CHST11: variants seen among roughly 807,000 people sequenced by gnomAD.
CHST11 encodes the protein carbohydrate sulfotransferase 11.
A neutral mutation model predicts 30.4 loss-of-function variants in CHST11; 9 were observed. The observed-to-expected ratio is 0.30, with a 90% CI of 0.18 to 0.52. The LOEUF is 0.52. Ranked by LOEUF, CHST11 falls within the 20% of genes least tolerant of loss-of-function variation. The pLI is 0.97. For synonymous variants in CHST11, 152 were observed against 187.8 expected (o/e 0.81, Z 1.56); for missense variants, 348 against 460.6 (o/e 0.76, Z 2.24).
At chr12:104,696,139 A>G (rs1195506553) in intron 2 of CHST11, among the ~76,000 whole-genome samples, 1 of 152,158 alleles carries the variant, frequency 6.6e-6, no homozygotes, top group African/African-American at 2.4e-5. Context: ...TGCAAAGAGC[A>G]CAGAAATGGT....
chr12:104,703,119 G>T (rs1435127793), intron 2 of CHST11, among the ~76,000 whole-genome samples: 1 of 152,214 alleles, frequency 6.6e-6, no homozygotes, highest in Non-Finnish European at 1.5e-5. Context: ...AACTCACCGG[G>T]GCGGAGACTT....
chr12:104,582,432 A>G (rs1310675943), intron 1 of CHST11, among the ~76,000 whole-genome samples: 1 of 152,074 alleles, frequency 6.6e-6, no homozygotes, highest in Non-Finnish European at 1.5e-5. Context: ...CAGCATTTTG[A>G]CCAGATGTGT....
chr12:104,669,763 G>A (rs371230845), intron 2 of CHST11, among the ~76,000 whole-genome samples: 3 of 152,200 alleles, frequency 2.0e-5, no homozygotes, highest in East Asian at 3.8e-4. Flanking sequence ...TGTTAAATGG[G>A]TATGATGACA....
intron 1 of CHST11, among the ~76,000 whole-genome samples, chr12:104,554,631 G>T (rs567191532): frequency 6.6e-6 from 1 of 152,210 alleles, no homozygotes; most frequent in Non-Finnish European, 1.5e-5. Flanking sequence ...TGCTGGGGAG[G>T]ATGGAGGAGG....
intron 1 of CHST11, among the ~76,000 whole-genome samples, chr12:104,475,688 A>ATATATATAT (rs1555226434): frequency 2.5e-5 from 2 of 78,462 alleles, no homozygotes; most frequent in Non-Finnish European, 5.8e-5. Flanking sequence ...ATATATATAT[A>ATATATATAT]TATTTCTGAT....
chr12:104,527,229 A>G (rs1701711239), intron 1 of CHST11, among the ~76,000 whole-genome samples: 4 of 152,202 alleles, frequency 2.6e-5, no homozygotes, highest in Admixed American at 1.3e-4. Context: ...CTGACCTGCC[A>G]ACACCTTATC....
intron 2 of CHST11, among the ~76,000 whole-genome samples, chr12:104,664,083 A>G (rs1156242388): frequency 1.3e-5 from 2 of 152,228 alleles, no homozygotes; most frequent in East Asian, 3.9e-4. Flanking sequence ...GCTATCTAGC[A>G]GATAATTCCT....
At chr12:104,480,008 G>A (rs992020185) in intron 1 of CHST11, among the ~76,000 whole-genome samples, 6 of 152,156 alleles carry the variant, frequency 3.9e-5, no homozygotes, top group Admixed American at 1.3e-4. Context: ...TCTTCATTCC[G>A]TGTGGTCATG....
intron 2 of CHST11, among the ~76,000 whole-genome samples, chr12:104,650,487 T>C (rs964631818): frequency 5.9e-5 from 9 of 152,186 alleles, no homozygotes; most frequent in Non-Finnish European, 1.0e-4. Context: ...GCCAAGTTAA[T>C]CTCACTGATT....
At chr12:104,653,726 A>C (rs1321718307) in intron 2 of CHST11, among the ~76,000 whole-genome samples, 1 of 152,158 alleles carries the variant, frequency 6.6e-6, no homozygotes, top group Non-Finnish European at 1.5e-5. Flanking sequence ...TATATGCAGA[A>C]ACCTTCTCCA....
At position 104,757,658 on chromosome 12, in the gene CHST11, C is replaced by G; in HGVS notation, c.914C>G (p.Ala305Gly). 1 of 1,614,150 alleles carries G rather than the reference C, an allele frequency of 6.2e-7. No homozygotes were observed. The highest frequency in any genetic ancestry group is 8.5e-7 in the Non-Finnish European group (1 of 1,180,030). The change falls in exon 3 of 3, where the codon GCA (alanine) becomes GGA (glycine). Residue 305 changes from alanine to glycine, a missense_variant. Coordinates refer to ENST00000303694, the MANE Select transcript of CHST11 (RefSeq NM_018413.6). This position sits in a 1 kb window ranked among gnomAD's most constrained non-coding sequence, Gnocchi z 6.5. ...AGCTACCTGAAGTTCCCCACCTATG[C>G]AAAGTCTACGAGAACTACTGATGAA... ...VGSYLKFPTYAKSTRTTDEMT... is the reference protein window; with the variant it reads ...VGSYLKFPTYGKSTRTTDEMT...
chr12:104,481,478 T>G (rs1484632501), intron 1 of CHST11, among the ~76,000 whole-genome samples: 1 of 152,230 alleles, frequency 6.6e-6, no homozygotes, highest in Non-Finnish European at 1.5e-5. Context: ...GGCCCAGCTT[T>G]TTAAGCCACT....
intron 2 of CHST11, among the ~76,000 whole-genome samples, chr12:104,622,833 G>A (rs2039173263): frequency 6.6e-6 from 1 of 152,212 alleles, no homozygotes; most frequent in African/African-American, 2.4e-5. Context: ...TGGTAAAAGT[G>A]TGTAATTGCG....
At chr12:104,473,308 G>A (rs1262849880) in intron 1 of CHST11, among the ~76,000 whole-genome samples, 3 of 152,108 alleles carry the variant, frequency 2.0e-5, no homozygotes, top group African/African-American at 7.2e-5. Flanking sequence ...TGCATTGCTC[G>A]GGCCAAAATT....
At chr12:104,667,050 G>C (rs997240608) in intron 2 of CHST11, among the ~76,000 whole-genome samples, 1 of 152,194 alleles carries the variant, frequency 6.6e-6, no homozygotes, top group Non-Finnish European at 1.5e-5. Context: ...CATGAACATA[G>C]TCATTCATTT....
intron 2 of CHST11, among the ~76,000 whole-genome samples, chr12:104,747,901 T>G (rs1000271314): frequency 6.6e-5 from 10 of 152,162 alleles, no homozygotes; most frequent in Admixed American, 5.9e-4. Context: ...ATGTTTTAAT[T>G]TAAGGGAAAC....
chr12:104,505,877 G>A (rs12300525), intron 1 of CHST11, among the ~76,000 whole-genome samples: 8,523 of 152,172 alleles, frequency 0.056, 487 homozygotes, highest in African/African-American at 0.15. Flanking sequence ...AAGATGAGGT[G>A]GGAGGTGATT....
intron 2 of CHST11, among the ~76,000 whole-genome samples, chr12:104,690,296 A>G (rs2039885882): frequency 6.6e-6 from 1 of 152,250 alleles, no homozygotes; most frequent in African/African-American, 2.4e-5. Context: ...GGATTTAAAC[A>G]TTCCCTTCCT....
intron 2 of CHST11, among the ~76,000 whole-genome samples, chr12:104,663,932 C>T (rs1349366979): frequency 1.3e-5 from 2 of 152,194 alleles, no homozygotes; most frequent in African/African-American, 2.4e-5. Context: ...ATTGTGTCTG[C>T]TGATAAAAAC....
Sources: gnomAD v4.1 joint callset for allele counts (sites outside exome capture counted in the v4.1 genomes callset) on GRCh38, gnomAD v4.1.1 for gene constraint, Gnocchi (gnomAD v3.1) non-coding constraint, MANE v1.5 for transcripts, NCBI Gene and HGNC (gene_info 2026-07-23, HGNC 2026-07-21) for gene names.